Variants in KCND3 observed in about 807,000 individuals in gnomAD.
KCND3 encodes the protein A-type voltage-gated potassium channel KCND3.
In KCND3, 9 loss-of-function variants were observed where a neutral mutation model predicts 51.1. The ratio of observed to expected loss-of-function variants is 0.18; its 90% CI spans 0.11 to 0.31. The LOEUF (loss-of-function observed/expected upper bound fraction) is 0.31. Ranked by LOEUF, KCND3 falls within the 10% of genes least tolerant of loss-of-function variation. The pLI is 1.00. For missense variants in KCND3, 526 were observed against 903.8 expected, an observed-to-expected ratio of 0.58 and a Z score of 5.36; for synonymous variants, 349 against 368.0, an observed-to-expected ratio of 0.95 and a Z score of 0.59.
intron 2 of KCND3, among the ~76,000 whole-genome samples, chr1:111,919,445 C>T (rs547912246): frequency 2.0e-5 from 3 of 151,974 alleles, no homozygotes; most frequent in East Asian, 3.9e-4. Context: ...GTGGAGGAAG[C>T]AGAAGAAACA....
intron 1 of KCND3, among the ~76,000 whole-genome samples, chr1:111,988,190 G>C (rs1263083027): frequency 6.6e-6 from 1 of 152,188 alleles, no homozygotes; most frequent in African/African-American, 2.4e-5. Flanking sequence ...TCTGGGGGCA[G>C]AGGAAGGTGC....
intron 2 of KCND3, among the ~76,000 whole-genome samples, chr1:111,804,087 C>T (rs1025288474): frequency 9.9e-5 from 15 of 152,178 alleles, no homozygotes; most frequent in African/African-American, 3.6e-4. Context: ...CCCCTTGGAC[C>T]GAGGCCTTCT....
chr1:111,865,548 T>C (rs1361830528), intron 2 of KCND3, among the ~76,000 whole-genome samples: 1 of 152,234 alleles, frequency 6.6e-6, no homozygotes, highest in Admixed American at 6.5e-5. Flanking sequence ...TTTGTGTTTC[T>C]ATAAATTATT....
chr1:111,879,851 C>A (rs575548685), intron 2 of KCND3, among the ~76,000 whole-genome samples: 2 of 152,100 alleles, frequency 1.3e-5, no homozygotes, highest in African/African-American at 2.4e-5. Context: ...CAGGCTGGTG[C>A]GGTAGTGTGG....
In KCND3 at chr1:111,864,052, G is replaced by A. The variant is rs530914637; in HGVS notation, c.1107-76946C>T. Among the ~76,000 whole-genome samples the A allele has an allele frequency of 3.3e-5, 5 of 152,192 alleles. No homozygotes were observed. The South Asian group carries it at 1.0e-3, about 32-fold the overall frequency. On this transcript the variant is annotated intron_variant, in intron 2 of 7. Transcript: ENST00000302127. ...ATAAATGGGGGCAGCTTTGATATGG[G>A]GAGCAGAGGAGGAGGAGCAGGGGTT...
intron 2 of KCND3, among the ~76,000 whole-genome samples, chr1:111,840,889 C>T (rs962659349): frequency 6.6e-6 from 1 of 152,208 alleles, no homozygotes; most frequent in Non-Finnish European, 1.5e-5. Context: ...AATAATGCAG[C>T]AACTACAATG....
intron 2 of KCND3, among the ~76,000 whole-genome samples, chr1:111,900,015 G>C (rs1670307847): frequency 6.6e-6 from 1 of 152,202 alleles, no homozygotes; most frequent in African/African-American, 2.4e-5. Context: ...AGGGGTAGTA[G>C]AATCAACTTG....
chr1:111,836,358 C>T (rs1185190969), intron 2 of KCND3, among the ~76,000 whole-genome samples: 4 of 152,200 alleles, frequency 2.6e-5, no homozygotes, highest in Admixed American at 2.0e-4. Context: ...CGCACCAGCC[C>T]GATCGCACTC....
intron 2 of KCND3, among the ~76,000 whole-genome samples, chr1:111,844,777 T>C (rs1667475969): frequency 1.3e-5 from 2 of 152,128 alleles, no homozygotes; most frequent in Admixed American, 1.3e-4. Context: ...TCCCTCCATG[T>C]CACTGGAGAA....
Position 111,981,596 on chromosome 1 carries a change from G to T in KCND3, c.1106+25C>A, listed in dbSNP as rs1222567543. The T allele has an allele frequency of 6.2e-7, 1 of 1,613,974 alleles. No individual in the cohort carries two copies. Among genetic ancestry groups the T allele is most frequent in the Admixed American group, 1.7e-5 (1 of 60,024 alleles). On this transcript the variant is annotated intron_variant, in intron 2 of 7. Coordinates refer to ENST00000302127, the MANE Select transcript of KCND3 (RefSeq NM_001378969.1). This position sits in a 1 kb window ranked among gnomAD's most constrained non-coding sequence, Gnocchi z 6.2. ...CAGCTGCCCTCCAACCTCCGTCCTG[G>T]TTTCATCCACCAGCGCTGACTTACC...
At chr1:111,959,038 G>A (rs146132249) in intron 2 of KCND3, among the ~76,000 whole-genome samples, 34 of 152,162 alleles carry the variant, frequency 2.2e-4, no homozygotes, top group African/African-American at 7.5e-4. Flanking sequence ...ACACACTCTC[G>A]CACACACACT....
chr1:111,811,025 G>A (rs1359385075), intron 2 of KCND3, among the ~76,000 whole-genome samples: 2 of 152,180 alleles, frequency 1.3e-5, no homozygotes, highest in African/African-American at 4.8e-5. Flanking sequence ...ACACACACCC[G>A]GCTGCTGTGG....
At chr1:111,938,217 G>A (rs1363945294) in intron 2 of KCND3, among the ~76,000 whole-genome samples, 5 of 152,208 alleles carry the variant, frequency 3.3e-5, no homozygotes, top group Non-Finnish European at 7.3e-5. Flanking sequence ...GGGAGGGGAA[G>A]TGACCTGCCT....
At chr1:111,923,366 C>T (rs774506005) in intron 2 of KCND3, among the ~76,000 whole-genome samples, 1 of 152,216 alleles carries the variant, frequency 6.6e-6, no homozygotes, top group Non-Finnish European at 1.5e-5. Context: ...CAATGCAGGG[C>T]TGAGGCTGAA....
chr1:111,860,937 A>T (rs1048736437), intron 2 of KCND3, among the ~76,000 whole-genome samples: 3 of 152,254 alleles, frequency 2.0e-5, no homozygotes, highest in Admixed American at 2.0e-4. Context: ...CTTAGCTCCC[A>T]GCAAGGAAGT....
intron 2 of KCND3, among the ~76,000 whole-genome samples, chr1:111,940,560 G>A (rs1205891211): frequency 6.6e-6 from 1 of 152,118 alleles, no homozygotes; most frequent in Non-Finnish European, 1.5e-5. Flanking sequence ...TCTCTCTGAG[G>A]CCTCTGCTCT....
chr1:111,895,815 C>T (rs1481439361), intron 2 of KCND3, among the ~76,000 whole-genome samples: 1 of 152,238 alleles, frequency 6.6e-6, no homozygotes, highest in Non-Finnish European at 1.5e-5. Context: ...CGGGGCCAGC[C>T]GGCTGGTGTG....
Position 111,780,084 on chromosome 1 carries a change from G to T in KCND3, c.1461+141C>A. On this transcript the variant is annotated intron_variant, in intron 5 of 7. Transcript: ENST00000302127. This position sits in a 1 kb window ranked among gnomAD's most constrained non-coding sequence, Gnocchi z 4.2. ...CCACTCCTCAGGGTCTTCCACCTGA[G>T]GGCCAGTAGATCCCATCACTACCTT... 2.1e-6 allele frequency: 2 copies of T among 940,602 alleles called. No homozygotes were observed. The highest frequency in any genetic ancestry group is 3.4e-6 in the Non-Finnish European group (2 of 596,128). The allele number at this position is 940,602 out of a possible 1,614,324, so 58.3% of individuals were successfully genotyped here.
chr1:111,829,318 A>T (rs1666725081), intron 2 of KCND3, among the ~76,000 whole-genome samples: 2 of 151,556 alleles, frequency 1.3e-5, no homozygotes, highest in Non-Finnish European at 2.9e-5. Flanking sequence ...GGACAATTCA[A>T]ATGGGCCTTC....
Sources: allele counts gnomAD v4.1 joint callset (sites outside exome capture counted in the v4.1 genomes callset), GRCh38; gene constraint gnomAD v4.1.1; non-coding constraint Gnocchi (gnomAD v3.1); transcripts MANE v1.5; gene names NCBI Gene and HGNC (gene_info 2026-07-23, HGNC 2026-07-21).